Variants in EMILIN3 observed in about 807,000 individuals in gnomAD.
The protein encoded by EMILIN3 is elastin microfibril interfacer 3, also known as EMILIN-3.
EMILIN3 carries 38 observed loss-of-function variants against 42.8 expected under a neutral mutation model. That is an observed-to-expected ratio of 0.89 (90% CI 0.69 to 1.16). The LOEUF (loss-of-function observed/expected upper bound fraction) is 1.16. EMILIN3 is among the 50% of genes most tolerant of loss of function. EMILIN3 has a pLI of 0.00. For missense variants in EMILIN3, 924 were observed against 999.5 expected (o/e 0.92, Z 1.02); for synonymous variants, 430 against 440.5 (o/e 0.98, Z 0.30).
In EMILIN3 at chr20:41,361,580, A is replaced by G; in HGVS notation, c.1989T>C (p.Ala663=). The G allele has an allele frequency of 6.2e-7, 1 of 1,612,182 alleles. No individual in the cohort carries two copies. The highest frequency in any genetic ancestry group is 8.5e-7 in the Non-Finnish European group (1 of 1,179,992). The change falls in exon 4 of 4, where the codon GCT becomes GCC. Residue 663 remains alanine (A), a synonymous_variant. Transcript: ENST00000332312. ...NLRGELEQLK[A]GVAKVASGLS... Reference sequence around the variant, plus strand: ...GCCCACTGGCCACCTTGGCCACACCAGCCTTGAGTTGCTCCAGCTCCCCAC... The same window carrying G: ...GCCCACTGGCCACCTTGGCCACACCGGCCTTGAGTTGCTCCAGCTCCCCAC...
chr20:41,362,865 C>T lies in EMILIN3; in HGVS notation c.704G>A (p.Gly235Asp), dbSNP rs2046373296. The change falls in exon 4 of 4, where the codon GGC (glycine) becomes GAC (aspartate). Residue 235 changes from glycine (G) to aspartate (D), a missense_variant. Gly to Asp is a moderately conservative substitution (Grantham distance 94). Coordinates refer to ENST00000332312, the MANE Select transcript of EMILIN3 (RefSeq NM_052846.2). The stretch of plus-strand genomic sequence containing the variant: ...TGGCCCTCTGGCTCTGTCTCCTGGG[C>T]CCACAAGCCCCTCAGGGATGACCCC... The part of the protein sequence containing the change: ...GFGVIPEGLV[G>D]PGDRARGPLT... 18 of 1,613,794 alleles carry T rather than the reference C, an allele frequency of 1.1e-5. No individual in the cohort carries two copies. The highest frequency in any genetic ancestry group is 2.2e-5 in the South Asian group (2 of 91,084).
At position 41,362,547 on chromosome 20, in the gene EMILIN3, C is replaced by T. The variant is rs1282719377; in HGVS notation, c.1022G>A (p.Cys341Tyr). The T allele has an allele frequency of 6.3e-7, 1 of 1,598,886 alleles. No individual in the cohort carries two copies. The highest frequency in any genetic ancestry group is 8.5e-7 in the Non-Finnish European group (1 of 1,179,194). The change falls in exon 4 of 4, where the codon TGT becomes TAT. Residue 341 changes from cysteine to tyrosine, a missense_variant. By Grantham distance (194) the Cys-to-Tyr change is radical. Transcript: ENST00000332312. ...DLRVQEVRRQ[C>Y]EEGQAASRRL... ...CCGGCTGGCGGCCTGACCCTCCTCA[C>T]ATTGCCGCCGTACCTCCTGCACCCG...
chr20:41,362,316 T>C lies in EMILIN3; in HGVS notation c.1253A>G (p.Asp418Gly), dbSNP rs2046367915. 6.2e-7 allele frequency: 1 copy of C among 1,610,620 alleles called. No homozygotes were observed. The highest frequency in any genetic ancestry group is 1.4e-5 in the African/African-American group (1 of 73,910). ...GGCAGCAGAGAGCCTCGTAAGCTCA[T>C]CCCCGGCCGGGGCACCGGGGCCCCT... ...TQRGPGAPAG[D>G]ELTRLSAAML... Residue 418 changes from aspartate to glycine, a missense_variant, in exon 4 of 4, where the codon GAT becomes GGT. Transcript: ENST00000332312.
chr20:41,361,894 G>A lies in EMILIN3; in HGVS notation c.1675C>T (p.Gln559Ter), dbSNP rs2046362521. 2 of 1,613,572 alleles carry A rather than the reference G, an allele frequency of 1.2e-6. No individual in the cohort carries two copies. Among genetic ancestry groups the A allele is most frequent in the South Asian group, 1.1e-5 (1 of 91,088 alleles). Residue 559 changes from glutamine to a stop codon, truncating the protein, a stop_gained, in exon 4 of 4, where the codon CAG (glutamine) becomes TAG (stop). Coordinates refer to ENST00000332312, the MANE Select transcript of EMILIN3 (RefSeq NM_052846.2). LOFTEE classifies it high-confidence loss of function. Reference sequence around the variant, plus strand: ...TCGGCCACAGTGCCATTGAGCTGCTGGAGCAGTGCTGCGTGGCTGGCCACC... The same window carrying A: ...TCGGCCACAGTGCCATTGAGCTGCTAGAGCAGTGCTGCGTGGCTGGCCACC... ...RQVASHAALL[Q>*]QLNGTVAEVQ...
chr20:41,362,793 C>T lies in EMILIN3; in HGVS notation c.776G>A (p.Ser259Asn). 6.2e-7 allele frequency: 1 copy of T among 1,614,220 alleles called. No homozygotes were observed. The highest frequency in any genetic ancestry group is 8.5e-7 in the Non-Finnish European group (1 of 1,180,046). Reference protein sequence around the residue: ...DEILSKVTEVSNTLQTKVQLL... With the variant: ...DEILSKVTEVNNTLQTKVQLL... ...CTGCACCTTGGTCTGAAGAGTGTTG[C>T]TCACCTCTGTCACCTTGCTTAGGAT... is the stretch of plus-strand genomic sequence containing the variant. Residue 259 changes from serine to asparagine, a missense_variant, in exon 4 of 4, where the codon AGC (serine) becomes AAC (asparagine). Transcript: ENST00000332312.
chr20:41,361,223 TC>T lies in EMILIN3; in HGVS notation c.*44del. On this transcript the variant is annotated 3_prime_UTR_variant, in exon 4 of 4. Coordinates refer to ENST00000332312, the MANE Select transcript of EMILIN3 (RefSeq NM_052846.2). ...ATAAGGCTGGGCTCTGGGGTGATGTTCCCCGAGTTGGTGGGATCTAGGGGTT... is the reference window on the plus strand; with the variant it reads ...ATAAGGCTGGGCTCTGGGGTGATGTTCCCGAGTTGGTGGGATCTAGGGGTT... The T allele has an allele frequency of 6.6e-7, 1 of 1,511,378 alleles. No homozygotes were observed. The allele number at this position is 1,511,378 out of a possible 1,614,324, so 93.6% of individuals were successfully genotyped here. A position where few individuals can be genotyped will look rare whatever the true frequency, so the allele number is the denominator to read the frequency against.
chr20:41,362,018 C>T lies in EMILIN3; in HGVS notation c.1551G>A (p.Leu517=). The change falls in exon 4 of 4, where the codon CTG becomes CTA. Residue 517 remains leucine (L), a synonymous_variant. Transcript: ENST00000332312. ...TGGTGCTCGGGGTGCACGAAGTCTC[C>T]AGTGAGACCAACCGTTGCTCTAGCA... is the stretch of plus-strand genomic sequence containing the variant. The part of the protein sequence containing the change: ...LAVLEQRLVS[L]ETSCTPSTTS... 6.2e-7 allele frequency: 1 copy of T among 1,611,638 alleles called. No homozygotes were observed. Among genetic ancestry groups the T allele is most frequent in the Non-Finnish European group, 8.5e-7 (1 of 1,178,096 alleles).
chr20:41,362,113 C>T lies in EMILIN3; in HGVS notation c.1456G>A (p.Gly486Arg), dbSNP rs1228373912. The T allele has an allele frequency of 6.2e-7, 1 of 1,605,988 alleles. No homozygotes were observed. The highest frequency in any genetic ancestry group is 8.5e-7 in the Non-Finnish European group (1 of 1,173,978). The change falls in exon 4 of 4, where the codon GGG (glycine) becomes AGG (arginine). Residue 486 changes from glycine to arginine, a missense_variant. Transcript: ENST00000332312. The part of the protein sequence containing the change: ...SLEERLATLA[G>R]ELSHDSASPG... ...GAGGCGCTGTCATGGCTTAGCTCCC[C>T]AGCCAATGTTGCTAGGCGCTCCTCG...
chr20:41,363,357 G>T (rs1045203626), intron 3 of EMILIN3, among the ~76,000 whole-genome samples: 2 of 152,108 alleles, frequency 1.3e-5, no homozygotes, highest in African/African-American at 4.8e-5. Context: ...TAGCCAGGAT[G>T]GTCTCGATCT....
chr20:41,365,058 C>T lies in EMILIN3; in HGVS notation c.267G>A (p.Gly89=), dbSNP rs772137631. 1 of 1,613,760 alleles carries T rather than the reference C, an allele frequency of 6.2e-7. No homozygotes were observed. Residue 89 remains glycine (G), a synonymous_variant, in exon 2 of 4, where the codon GGG becomes GGA. Transcript: ENST00000332312. ...VKAEYRQCRW[G]PKCPGTVTYR... ...ACGTGACTGTCCCGGGGCACTTGGG[C>T]CCCCATCTACACTGCCGGTATTCAG...
intron 1 of EMILIN3, among the ~76,000 whole-genome samples, 159 bp from the exon 2 acceptor site, chr20:41,365,316 G>A (rs1327224521): frequency 2.6e-5 from 4 of 152,174 alleles, no homozygotes; most frequent in Admixed American, 2.0e-4. Flanking sequence ...CTTGGTCTGG[G>A]GTCCAGCCCC....
rs996515168 is a variant in EMILIN3 at position 41,361,480 on chromosome 20, C to T, written c.2089G>A (p.Glu697Lys). 4 of 1,608,766 alleles carry T rather than the reference C, an allele frequency of 2.5e-6. No homozygotes were observed. Among genetic ancestry groups the T allele is most frequent in the Non-Finnish European group, 3.4e-6 (4 of 1,176,730 alleles). Residue 697 changes from glutamate (E) to lysine (K), a missense_variant, in exon 4 of 4, where the codon GAG (glutamate) becomes AAG (lysine). Transcript: ENST00000332312. The part of the protein sequence containing the change: ...GHFDQRVAQV[E>K]GACRRLGLLA... ...AGGCCCAGCCTCCTGCACGCACCCT[C>T]CACTTGTGCCACCCGCTGGTCAAAG...
rs2046365023 is a variant in EMILIN3, at chr20:41,362,105, T to C, written c.1464A>G (p.Leu488=). The change falls in exon 4 of 4, where the codon CTA becomes CTG. Residue 488 remains leucine, a synonymous_variant. Transcript: ENST00000332312. ...TGCCCGGAGAGGCGCTGTCATGGCT[T>C]AGCTCCCCAGCCAATGTTGCTAGGC... is the stretch of plus-strand genomic sequence containing the variant. The part of the protein sequence containing the change: ...EERLATLAGE[L]SHDSASPGRS... 1 of 1,606,252 alleles carries C rather than the reference T, an allele frequency of 6.2e-7. No homozygotes were observed. Among genetic ancestry groups the C allele is most frequent in the South Asian group, 1.1e-5 (1 of 90,734 alleles).
At position 41,362,973 on chromosome 20, in the gene EMILIN3, G is replaced by T; in HGVS notation, c.596C>A (p.Thr199Asn). ...DVQRLAQTYGTLSGLVASHED... is the reference protein window; with the variant it reads ...DVQRLAQTYGNLSGLVASHED... ...GTGGCTAGCCACCAGGCCACTGAGG[G>T]TACCATATGTTTGAGCCAGGCGCTG... The change falls in exon 4 of 4, where the codon ACC becomes AAC. Residue 199 changes from threonine to asparagine, a missense_variant. Thr to Asn is a moderately conservative substitution (Grantham distance 65, BLOSUM62 0). Coordinates refer to ENST00000332312, the MANE Select transcript of EMILIN3 (RefSeq NM_052846.2). The T allele has an allele frequency of 6.2e-7, 1 of 1,612,934 alleles. No individual in the cohort carries two copies. Among genetic ancestry groups the T allele is most frequent in the South Asian group, 1.1e-5 (1 of 91,072 alleles).
In EMILIN3 at chr20:41,363,605, A is replaced by G. The variant is rs374488297; in HGVS notation, c.514+33T>C. 470 of 1,564,892 alleles carry G rather than the reference A, an allele frequency of 3.0e-4. 2 individuals carry two copies. The highest frequency in any genetic ancestry group is 6.0e-4 in the Admixed American group (34 of 57,070). On this transcript the variant is annotated intron_variant, in intron 3 of 3. Coordinates refer to ENST00000332312, the MANE Select transcript of EMILIN3 (RefSeq NM_052846.2). Reference sequence around the variant, plus strand: ...CCTGCCACTGAGCCCAAGAAACCCAATCACCTTGGAGGGTCTCCTTGGGCA... The same window carrying G: ...CCTGCCACTGAGCCCAAGAAACCCAGTCACCTTGGAGGGTCTCCTTGGGCA...
In EMILIN3 at chr20:41,366,319, A is replaced by G. The variant is rs2046393390; in HGVS notation, c.167+149T>C. On this transcript the variant is annotated intron_variant, in intron 1 of 3. Coordinates refer to ENST00000332312, the MANE Select transcript of EMILIN3 (RefSeq NM_052846.2). The surrounding 1 kb of genome is among the most constrained non-coding windows in gnomAD (Gnocchi z 4.2). ...CGGAGCGTAGGGCGCTCGCCTGGGC[A>G]GGGGCTCGGCCCCGGGCGCCGCCCC... is the stretch of plus-strand genomic sequence containing the variant. 1 of 494,606 alleles carries G rather than the reference A, an allele frequency of 2.0e-6. No individual in the cohort carries two copies. The highest frequency in any genetic ancestry group is 5.7e-5 in the Admixed American group (1 of 17,590). The allele number at this position is 494,606 out of a possible 1,614,324, so 30.6% of individuals were successfully genotyped here.
At chr20:41,363,398 C>G (rs892350111) in intron 3 of EMILIN3, among the ~76,000 whole-genome samples, 2 of 152,224 alleles carry the variant, frequency 1.3e-5, no homozygotes, top group African/African-American at 2.4e-5. Context: ...GCCTCGGCCT[C>G]CCAAAGTGCT....
rs746699210 is a variant in EMILIN3, at chr20:41,362,054, T to A, written c.1515A>T (p.Thr505=). Residue 505 remains threonine, a synonymous_variant, in exon 4 of 4, where the codon ACA becomes ACT. Coordinates refer to ENST00000332312, the MANE Select transcript of EMILIN3 (RefSeq NM_052846.2). ...PGRSARPLVQ[T]ELAVLEQRLV... ...ACCGTTGCTCTAGCACAGCCAGCTC[T>A]GTCTGTACAAGGGGCCGAGCTGACC... 6.2e-7 allele frequency: 1 copy of A among 1,610,804 alleles called. No individual in the cohort carries two copies. Among genetic ancestry groups the A allele is most frequent in the South Asian group, 1.1e-5 (1 of 91,022 alleles).
Position 41,362,595 on chromosome 20 carries a change from C to T in EMILIN3, c.974G>A (p.Gly325Asp). Reference protein sequence around the residue: ...LLDGFEQKLQGVQSECDLRVQ... With the variant: ...LLDGFEQKLQDVQSECDLRVQ... ...CCGCAGGTCACACTCACTCTGGACG[C>T]CTTGCAGCTTCTGCTCAAAGCCATC... The change falls in exon 4 of 4, where the codon GGC becomes GAC. Residue 325 changes from glycine (G) to aspartate (D), a missense_variant. Transcript: ENST00000332312. 6.2e-7 allele frequency: 1 copy of T among 1,601,870 alleles called. No homozygotes were observed. The highest frequency in any genetic ancestry group is 8.5e-7 in the Non-Finnish European group (1 of 1,179,424).
Sources: allele counts gnomAD v4.1 joint callset (sites outside exome capture counted in the v4.1 genomes callset), GRCh38; gene constraint gnomAD v4.1.1; non-coding constraint Gnocchi (gnomAD v3.1); transcripts MANE v1.5; gene names NCBI Gene and HGNC (gene_info 2026-07-23, HGNC 2026-07-21).